Variants in CREB5 observed in about 807,000 individuals in gnomAD.
CREB5 encodes cyclic AMP-responsive element-binding protein 5.
Under a neutral mutation model 57.1 loss-of-function variants are expected in CREB5, and 19 were observed. The ratio of observed to expected loss-of-function variants is 0.33; its 90% CI spans 0.23 to 0.49. The LOEUF (loss-of-function observed/expected upper bound fraction) is 0.49. Ranked by LOEUF, CREB5 falls within the 20% of genes least tolerant of loss-of-function variation. The probability of loss-of-function intolerance (pLI) is 0.99; values close to 1 mark genes in which losing one functional copy is unlikely to be tolerated. For synonymous variants in CREB5, 238 were observed against 238.3 expected (o/e 1.00, Z 0.01); for missense variants, 579 against 671.6 (o/e 0.86, Z 1.52).
intron 1 of CREB5, among the ~76,000 whole-genome samples, chr7:28,382,784 G>C (rs930769752): frequency 4.0e-5 from 6 of 151,698 alleles, no homozygotes; most frequent in African/African-American, 1.5e-4. Context: ...TCAGATAAAG[G>C]GGTCATGATA....
chr7:28,557,705 A>G (rs78379817), intron 4 of CREB5, among the ~76,000 whole-genome samples: 3,145 of 152,216 alleles, frequency 0.021, 121 homozygotes, highest in African/African-American at 0.072. Context: ...GAGATGAGGG[A>G]AGGAACTGGG....
chr7:28,556,318 G>A (rs1265277800), intron 4 of CREB5, among the ~76,000 whole-genome samples: 1 of 152,156 alleles, frequency 6.6e-6, no homozygotes, highest in Non-Finnish European at 1.5e-5. Context: ...AGGAAGCTGT[G>A]GCCTTAAAGT....
In CREB5 at chr7:28,349,165, G is replaced by A. The variant is rs528381132; in HGVS notation, c.-25+49724G>A. Among the ~76,000 whole-genome samples, 97 of 152,218 alleles carry A rather than the reference G, an allele frequency of 6.4e-4. 1 individual carries two copies. In the South Asian group the frequency reaches 0.02, roughly 31 times the overall value. On this transcript the variant is annotated intron_variant, in intron 1 of 9. Coordinates refer to the CREB5 transcript ENST00000396299. ...CAGTGATGCCTGGGTGGAGAGGAAC[G>A]GTTTGATTTTTCTGTAATTTTGAAG...
intron 1 of CREB5, among the ~76,000 whole-genome samples, chr7:28,440,127 G>T (rs898552661): frequency 6.6e-6 from 1 of 152,184 alleles, no homozygotes; most frequent in Non-Finnish European, 1.5e-5. Flanking sequence ...ACTCTCAGTT[G>T]TCCTCTCCAC....
intron 5 of CREB5, among the ~76,000 whole-genome samples, chr7:28,652,184 C>T (rs1799154389): frequency 6.6e-6 from 1 of 152,050 alleles, no homozygotes; most frequent in African/African-American, 2.4e-5. Flanking sequence ...ATGAATTTCT[C>T]ATATCTAATA....
At chr7:28,606,641 C>G (rs549084429) in intron 5 of CREB5, among the ~76,000 whole-genome samples, 1 of 152,098 alleles carries the variant, frequency 6.6e-6, no homozygotes, top group Non-Finnish European at 1.5e-5. Context: ...TCTATATGCC[C>G]CTTTTCCTCT....
chr7:28,674,104 C>CA (rs1800202581), intron 5 of CREB5, among the ~76,000 whole-genome samples: 1 of 150,868 alleles, frequency 6.6e-6, no homozygotes, highest in South Asian at 2.1e-4. Flanking sequence ...CTTTTGGACT[C>CA]ACGCAGATTT....
chr7:28,764,589 T>C (rs1805853080), intron 7 of CREB5, among the ~76,000 whole-genome samples: 1 of 152,246 alleles, frequency 6.6e-6, no homozygotes, highest in African/African-American at 2.4e-5. Context: ...GTCTGAGCTA[T>C]AATTTGGGTT....
At chr7:28,634,373 T>C (rs1210737068) in intron 5 of CREB5, among the ~76,000 whole-genome samples, 1 of 152,252 alleles carries the variant, frequency 6.6e-6, no homozygotes, top group Admixed American at 6.5e-5. Context: ...GTAAATGATG[T>C]CTATGCATGT....
chr7:28,311,525 GT>G, intron 1 of CREB5, among the ~76,000 whole-genome samples: 1 of 152,272 alleles, frequency 6.6e-6, no homozygotes, highest in South Asian at 2.1e-4. Context: ...CATTTAAAAC[GT>G]TTTTCGGTCC....
At chr7:28,371,465 G>T (rs1311869520) in intron 1 of CREB5, among the ~76,000 whole-genome samples, 1 of 150,076 alleles carries the variant, frequency 6.7e-6, no homozygotes, top group East Asian at 2.0e-4. Context: ...CTCCAGTCTG[G>T]GAGACAGAGT....
chr7:28,359,616 A>G (rs1195803220), intron 1 of CREB5, among the ~76,000 whole-genome samples: 1 of 88,550 alleles, frequency 1.1e-5, no homozygotes, highest in African/African-American at 3.8e-5. Flanking sequence ...CTGTAAAACT[A>G]CTAGAAGAAA....
At chr7:28,786,862 T>G (rs1290876292) in intron 7 of CREB5, among the ~76,000 whole-genome samples, 3 of 152,204 alleles carry the variant, frequency 2.0e-5, no homozygotes, top group African/African-American at 7.2e-5. Flanking sequence ...GCAAATCTAC[T>G]GAGTCACTGA....
intron 4 of CREB5, among the ~76,000 whole-genome samples, chr7:28,541,829 C>T (rs1794222748): frequency 6.6e-6 from 1 of 152,186 alleles, no homozygotes; most frequent in Non-Finnish European, 1.5e-5. Flanking sequence ...AACCAGTTAA[C>T]AACTTTGTCT....
At chr7:28,764,137 T>C (rs1274276478) in intron 7 of CREB5, among the ~76,000 whole-genome samples, 1 of 152,134 alleles carries the variant, frequency 6.6e-6, no homozygotes, top group African/African-American at 2.4e-5. Context: ...GTATAGAAAT[T>C]ACATTCATGG....
At chr7:28,753,945 T>C (rs1310017536) in intron 7 of CREB5, among the ~76,000 whole-genome samples, 1 of 151,808 alleles carries the variant, frequency 6.6e-6, no homozygotes, top group Non-Finnish European at 1.5e-5. Flanking sequence ...ATCTTTTTTA[T>C]ATTATTCTTT....
At chr7:28,599,359 T>C (rs1192417873) in intron 5 of CREB5, among the ~76,000 whole-genome samples, 2 of 152,152 alleles carry the variant, frequency 1.3e-5, no homozygotes, top group Non-Finnish European at 2.9e-5. Context: ...GATGGGAAAA[T>C]AAGCCCATAA....
rs192003016 is a variant in CREB5 at position 28,769,855 on chromosome 7, G to A, written c.703-34344G>A. The stretch of plus-strand genomic sequence containing the variant: ...GACAATCCAGGAAGCTGGAAATTGA[G>A]ATCAGATTTAAAAGACAAGTAGGAT... On this transcript the variant is annotated intron_variant, in intron 7 of 10. Coordinates refer to ENST00000357727, the MANE Select transcript of CREB5 (RefSeq NM_182898.4). Among the ~76,000 whole-genome samples, 97 of 152,326 alleles carry A rather than the reference G, an allele frequency of 6.4e-4. 1 individual carries two copies. The highest frequency in any genetic ancestry group is 2.2e-3 in the African/African-American group (93 of 41,560).
At chr7:28,583,221 A>G (rs1481909142) in intron 5 of CREB5, among the ~76,000 whole-genome samples, 1 of 152,248 alleles carries the variant, frequency 6.6e-6, no homozygotes, top group Non-Finnish European at 1.5e-5. Flanking sequence ...AAATTGGAAG[A>G]TGCTTTTTTC....
Sources: gnomAD v4.1 joint callset for allele counts (sites outside exome capture counted in the v4.1 genomes callset) on GRCh38, gnomAD v4.1.1 for gene constraint, MANE v1.5 for transcripts, NCBI Gene and HGNC (gene_info 2026-07-23, HGNC 2026-07-21) for gene names.